The following WWOX variants were observed in gnomAD, a reference collection of about 807,000 sequenced individuals.
The protein encoded by WWOX is WW domain containing oxidoreductase, also known as WW domain-containing oxidoreductase.
A neutral mutation model predicts 46.2 loss-of-function variants in WWOX; 69 were observed. That is an observed-to-expected ratio of 1.49 (90% CI 1.23 to 1.82). The LOEUF is 1.82. Among genes scored for constraint, WWOX ranks in the 40% most tolerant of loss-of-function variants. WWOX has a pLI of 0.00. For missense variants in WWOX, 919 were observed against 542.6 expected, an observed-to-expected ratio of 1.69 and a Z score of -6.89; for synonymous variants, 359 against 202.6, an observed-to-expected ratio of 1.77 and a Z score of -6.56.
intron 8 of WWOX, among the ~76,000 whole-genome samples, chr16:79,062,060 C>T (rs77906742): frequency 0.094 from 14,356 of 152,100 alleles, 737 homozygotes; most frequent in Middle Eastern, 0.15. Context: ...AGCAAAACTT[C>T]AGCTAGAAGA....
chr16:78,349,460 A>C (rs1433462484), intron 5 of WWOX, among the ~76,000 whole-genome samples: 1 of 120,728 alleles, frequency 8.3e-6, no homozygotes, highest in Non-Finnish European at 2.0e-5. Flanking sequence ...TGCTTTTCAG[A>C]GACCATCTGC....
At chr16:79,164,426 C>G (rs925300692) in intron 8 of WWOX, among the ~76,000 whole-genome samples, 1 of 152,162 alleles carries the variant, frequency 6.6e-6, no homozygotes, top group South Asian at 2.1e-4. Context: ...GTGCCCGCCT[C>G]TCTGACTTTG....
rs368355974 is a variant in WWOX at position 79,006,983 on chromosome 16, T to C, written c.1057-204625T>C. 3.9e-5 allele frequency among the ~76,000 whole-genome samples: 6 copies of C among 152,276 alleles called. No homozygotes were observed. The East Asian group carries it at 7.7e-4, about 20-fold the overall frequency. ...GTTCCACCCACAATCTTCATTTCCC[T>C]TTGTCGCGTAACCTAACATATTCAC... On this transcript the variant is annotated intron_variant, in intron 8 of 8. Coordinates refer to ENST00000566780, the MANE Select transcript of WWOX (RefSeq NM_016373.4).
intron 8 of WWOX, among the ~76,000 whole-genome samples, chr16:78,543,732 A>T (rs1245691986): frequency 6.6e-6 from 1 of 152,156 alleles, no homozygotes; most frequent in African/African-American, 2.4e-5. Context: ...GGGAACATCC[A>T]TCCTCAAAAC....
intron 8 of WWOX, among the ~76,000 whole-genome samples, chr16:78,449,272 A>G (rs1009213192): frequency 2.0e-5 from 3 of 152,334 alleles, no homozygotes; most frequent in African/African-American, 4.8e-5. Context: ...TGGTAAAATG[A>G]AAGTCACAGT....
intron 8 of WWOX, among the ~76,000 whole-genome samples, chr16:78,564,440 C>T (rs1335058025): frequency 6.6e-6 from 1 of 152,094 alleles, no homozygotes; most frequent in Non-Finnish European, 1.5e-5. Context: ...TTATATGCTA[C>T]AGGGATATTC....
chr16:78,614,176 T>C (rs1045074114), intron 8 of WWOX, among the ~76,000 whole-genome samples: 2 of 152,230 alleles, frequency 1.3e-5, no homozygotes, highest in African/African-American at 2.4e-5. Flanking sequence ...ACAACTTCTG[T>C]CAGCTGTAGA....
At chr16:79,107,298 G>C (rs1597382026) in intron 8 of WWOX, among the ~76,000 whole-genome samples, 1 of 151,694 alleles carries the variant, frequency 6.6e-6, no homozygotes, top group African/African-American at 2.4e-5. Context: ...GTTTTGCCCA[G>C]GTTGGTCTTC....
At chr16:78,962,389 G>T (rs1343599570) in intron 8 of WWOX, among the ~76,000 whole-genome samples, 2 of 139,530 alleles carry the variant, frequency 1.4e-5, no homozygotes, top group Non-Finnish European at 3.0e-5. Flanking sequence ...AAAGGCTCTG[G>T]ACAAGGGCTA....
At chr16:78,472,152 C>T (rs2084238061) in intron 8 of WWOX, among the ~76,000 whole-genome samples, 1 of 152,066 alleles carries the variant, frequency 6.6e-6, no homozygotes, top group African/African-American at 2.4e-5. Context: ...CAGTAAATAC[C>T]TATTTTTGTG....
intron 8 of WWOX, among the ~76,000 whole-genome samples, chr16:78,901,109 C>A (rs944162286): frequency 2.0e-5 from 3 of 152,188 alleles, no homozygotes; most frequent in Admixed American, 6.5e-5. Context: ...CAGTCATTAC[C>A]TTTCTCCTTC....
At chr16:78,252,924 AT>A (rs2038023371) in intron 5 of WWOX, among the ~76,000 whole-genome samples, 1 of 152,160 alleles carries the variant, frequency 6.6e-6, no homozygotes, top group African/African-American at 2.4e-5. Flanking sequence ...AAATTACACC[AT>A]TTGTTTAAAC....
intron 8 of WWOX, among the ~76,000 whole-genome samples, chr16:78,809,627 T>C (rs1004961173): frequency 1.3e-5 from 2 of 152,138 alleles, no homozygotes; most frequent in African/African-American, 4.8e-5. Flanking sequence ...CTCCAGAAAT[T>C]TAACCTAGTA....
intron 8 of WWOX, among the ~76,000 whole-genome samples, chr16:78,482,081 C>T (rs993029233): frequency 1.3e-5 from 2 of 152,022 alleles, no homozygotes; most frequent in Non-Finnish European, 2.9e-5. Context: ...CCCACCTATT[C>T]TGGGGAATAG....
At chr16:79,014,255 C>T (rs1294279751) in intron 8 of WWOX, among the ~76,000 whole-genome samples, 1 of 152,150 alleles carries the variant, frequency 6.6e-6, no homozygotes, top group Admixed American at 6.5e-5. Flanking sequence ...GGTTATGACG[C>T]ATGGGACGGG....
chr16:78,800,637 G>A (rs1471851129), intron 8 of WWOX, among the ~76,000 whole-genome samples: 4 of 152,206 alleles, frequency 2.6e-5, no homozygotes, highest in Non-Finnish European at 4.4e-5. Context: ...GCAGCTGACG[G>A]CCAAAGGGGA....
chr16:78,786,488 A>G (rs2050459535), intron 8 of WWOX, among the ~76,000 whole-genome samples: 1 of 152,180 alleles, frequency 6.6e-6, no homozygotes, highest in Admixed American at 6.5e-5. Flanking sequence ...AGTACTTAGT[A>G]CTTTTTAGTA....
At chr16:79,128,324 C>T (rs571690897) in intron 8 of WWOX, among the ~76,000 whole-genome samples, 1 of 128,098 alleles carries the variant, frequency 7.8e-6, no homozygotes, top group African/African-American at 3.1e-5. Context: ...ACAACGTCCC[C>T]TAATAGCTAA....
intron 5 of WWOX, among the ~76,000 whole-genome samples, chr16:78,362,761 C>T (rs2081438850): frequency 3.9e-5 from 6 of 152,218 alleles, no homozygotes; most frequent in Admixed American, 3.3e-4. Context: ...GAAGAACTTA[C>T]TATGTGTCCA....
Sources: gnomAD v4.1 joint callset for allele counts (sites outside exome capture counted in the v4.1 genomes callset) on GRCh38, gnomAD v4.1.1 for gene constraint, MANE v1.5 for transcripts, NCBI Gene and HGNC (gene_info 2026-07-23, HGNC 2026-07-21) for gene names.